The following PTPRO variants were observed in gnomAD, a reference collection of about 807,000 sequenced individuals.
PTPRO encodes the protein receptor-type tyrosine-protein phosphatase O.
Under a neutral mutation model 145.2 loss-of-function variants are expected in PTPRO, and 62 were observed. That is an observed-to-expected ratio of 0.43 (90% CI 0.35 to 0.53). The LOEUF is 0.53. Among genes scored for constraint, PTPRO ranks in the 20% least tolerant of loss-of-function variants. The pLI is 0.01. For missense variants in PTPRO, 1,345 were observed against 1,482.7 expected, an observed-to-expected ratio of 0.91 and a Z score of 1.53; for synonymous variants, 565 against 514.7, an observed-to-expected ratio of 1.10 and a Z score of -1.32.
chr12:15,496,145 T>G (rs1303345737), intron 2 of PTPRO, among the ~76,000 whole-genome samples: 1 of 17,772 alleles, frequency 5.6e-5, no homozygotes, highest in South Asian at 1.6e-3. Flanking sequence ...TTTTTTTGTT[T>G]TTTTTTTTTT....
rs940019561 is a variant in PTPRO, at chr12:15,569,452, A to G, written c.2783A>G (p.Lys928Arg). The G allele has an allele frequency of 1.2e-6, 2 of 1,613,848 alleles. No individual in the cohort carries two copies. Among genetic ancestry groups the G allele is most frequent in the Non-Finnish European group, 1.7e-6 (2 of 1,179,782 alleles). ...VQLDDFDAYI[K>R]DMAKDSDYKF... ...CTGGATGACTTTGATGCCTATATTA[A>G]GGATATGGCCAAAGACTCTGACTAT... Residue 928 changes from lysine to arginine, a missense_variant, in exon 19 of 27, where the codon AAG becomes AGG. Lys to Arg is a conservative substitution (Grantham distance 26, BLOSUM62 2). Around this residue, in one of 3 missense-constraint regions of PTPRO, gnomAD observed 1,130 missense variants for 1,214.7 expected, o/e 0.93. Coordinates refer to ENST00000281171, the MANE Select transcript of PTPRO (RefSeq NM_030667.3).
At chr12:15,577,372 C>T (rs1200376794) in intron 19 of PTPRO, among the ~76,000 whole-genome samples, 4 of 152,162 alleles carry the variant, frequency 2.6e-5, no homozygotes, top group Non-Finnish European at 4.4e-5. Context: ...TAGTTAAAAG[C>T]ATCAGAAGAC....
At chr12:15,334,865 C>G (rs1406291205) in intron 1 of PTPRO, among the ~76,000 whole-genome samples, 1 of 151,978 alleles carries the variant, frequency 6.6e-6, no homozygotes, top group African/African-American at 2.4e-5. Flanking sequence ...AATTAATAAT[C>G]TTCTTTACTC....
intron 1 of PTPRO, among the ~76,000 whole-genome samples, chr12:15,326,352 A>G (rs1866446902): frequency 6.6e-6 from 1 of 152,242 alleles, no homozygotes; most frequent in Non-Finnish European, 1.5e-5. Flanking sequence ...CATCCCCAGT[A>G]GGTTGGCAAA....
intron 15 of PTPRO, among the ~76,000 whole-genome samples, chr12:15,556,165 C>A (rs1591729251): frequency 1.3e-5 from 2 of 152,020 alleles, no homozygotes; most frequent in South Asian, 4.1e-4. Flanking sequence ...AGATTAAAAC[C>A]CTTGAGTTAC....
chr12:15,390,632 C>T (rs964033247), intron 1 of PTPRO, among the ~76,000 whole-genome samples: 3 of 152,090 alleles, frequency 2.0e-5, no homozygotes, highest in Non-Finnish European at 2.9e-5. Context: ...ACCATGGTAC[C>T]AGAGAAGTCT....
At chr12:15,412,011 A>C (rs1373319247) in intron 1 of PTPRO, among the ~76,000 whole-genome samples, 1 of 152,030 alleles carries the variant, frequency 6.6e-6, no homozygotes, top group Non-Finnish European at 1.5e-5. Flanking sequence ...ATCATTTACC[A>C]CCCTGTTCAT....
intron 8 of PTPRO, 89 bp downstream of exon 8, chr12:15,515,707 C>A: frequency 6.5e-7 from 1 of 1,548,874 alleles, no homozygotes; most frequent in South Asian, 1.1e-5. Context: ...TCATTATCAT[C>A]GTATTTGGAA....
chr12:15,587,067 G>T lies in PTPRO; in HGVS notation c.3410+16G>T. 1 of 1,613,758 alleles carries T rather than the reference G, an allele frequency of 6.2e-7. No homozygotes were observed. The highest frequency in any genetic ancestry group is 1.1e-5 in the South Asian group (1 of 91,050). Reference sequence around the variant, plus strand: ...TTCACTGCAGGTAACCTCATCAACTGCATTTTCTATTAAATATTAGGAGTT... The same window carrying T: ...TTCACTGCAGGTAACCTCATCAACTTCATTTTCTATTAAATATTAGGAGTT... On this transcript the variant is annotated intron_variant, in intron 24 of 26. Transcript: ENST00000281171.
At chr12:15,373,229 T>C (rs1269758993) in intron 1 of PTPRO, among the ~76,000 whole-genome samples, 1 of 152,210 alleles carries the variant, frequency 6.6e-6, no homozygotes, top group Non-Finnish European at 1.5e-5. Flanking sequence ...GATTGTAGGC[T>C]TTGCTGCTCT....
At chr12:15,404,615 A>G (rs2136303849) in intron 1 of PTPRO, among the ~76,000 whole-genome samples, 1 of 152,302 alleles carries the variant, frequency 6.6e-6, no homozygotes, top group African/African-American at 2.4e-5. Flanking sequence ...AAGGCTGTTC[A>G]GTGTTTTTCC....
intron 2 of PTPRO, among the ~76,000 whole-genome samples, chr12:15,494,528 A>T (rs1942062070): frequency 6.6e-6 from 1 of 152,230 alleles, no homozygotes; most frequent in Admixed American, 6.5e-5. Context: ...AAAAACAGTA[A>T]TTCTTGAATT....
intron 1 of PTPRO, among the ~76,000 whole-genome samples, chr12:15,455,364 T>C (rs1208510370): frequency 1.3e-5 from 2 of 151,550 alleles, no homozygotes; most frequent in African/African-American, 4.9e-5. Flanking sequence ...AGGTTTTTCC[T>C]GAGTTTTTTC....
At chr12:15,513,225 GAA>G (rs775330388) in intron 7 of PTPRO, among the ~76,000 whole-genome samples, 1 of 109,002 alleles carries the variant, frequency 9.2e-6, no homozygotes, top group Non-Finnish European at 1.8e-5. Context: ...AAGAAAGAAA[GAA>G]AAGAAAGAAA....
At chr12:15,541,784 G>T (rs1165583526) in intron 12 of PTPRO, among the ~76,000 whole-genome samples, 1 of 152,160 alleles carries the variant, frequency 6.6e-6, no homozygotes, top group Admixed American at 6.5e-5. Flanking sequence ...GGCTGAGGTG[G>T]GTGGATCACT....
chr12:15,403,294 A>G (rs1327995655), intron 1 of PTPRO, among the ~76,000 whole-genome samples: 2 of 152,108 alleles, frequency 1.3e-5, no homozygotes, highest in Admixed American at 1.3e-4. Context: ...CAATAAAAAT[A>G]CTTCTTGGCC....
intron 18 of PTPRO, among the ~76,000 whole-genome samples, chr12:15,565,953 A>G (rs1422301434): frequency 1.3e-5 from 2 of 152,184 alleles, no homozygotes; most frequent in Non-Finnish European, 2.9e-5. Context: ...ATATTTAACT[A>G]CATCAAAGGG....
At chr12:15,364,310 T>C (rs761399954) in intron 1 of PTPRO, among the ~76,000 whole-genome samples, 1 of 152,188 alleles carries the variant, frequency 6.6e-6, no homozygotes, top group African/African-American at 2.4e-5. Flanking sequence ...TTTGTGAATA[T>C]TCATTATTAC....
At chr12:15,438,073 T>C (rs1307862534) in intron 1 of PTPRO, among the ~76,000 whole-genome samples, 4 of 152,172 alleles carry the variant, frequency 2.6e-5, no homozygotes, top group African/African-American at 7.2e-5. Flanking sequence ...ATAAAACCTG[T>C]TGAAAGAAGT....
Sources: gnomAD v4.1 joint callset for allele counts (sites outside exome capture counted in the v4.1 genomes callset) on GRCh38, gnomAD v4.1.1 for gene constraint, gnomAD v4.1.1 regional missense constraint, MANE v1.5 for transcripts, NCBI Gene and HGNC (gene_info 2026-07-23, HGNC 2026-07-21) for gene names.